GALK1: variants seen among roughly 807,000 people sequenced by gnomAD.
The protein encoded by GALK1 is galactokinase 1.
A neutral mutation model predicts 38.6 loss-of-function variants in GALK1; 30 were observed. The observed-to-expected ratio is 0.78, with a 90% confidence interval of 0.58 to 1.05. The LOEUF (loss-of-function observed/expected upper bound fraction) is 1.05, where lower values mean the gene tolerates loss of function less well. GALK1 is among the 50% of genes least tolerant of loss of function. The pLI is 0.00. For missense variants in GALK1, 512 were observed against 540.5 expected, an observed-to-expected ratio of 0.95 and a Z score of 0.52; for synonymous variants, 240 against 233.6, an observed-to-expected ratio of 1.03 and a Z score of -0.25.
At chr17:75,755,935 C>T (rs1197688421), downstream of GALK1, 1 of 1,494,676 alleles carries the variant, frequency 6.7e-7, no homozygotes, top group Non-Finnish European at 9.0e-7. Flanking sequence ...TCAGCTGTGT[C>T]AGGAACCCAC....
intron 1 of GALK1, chr17:75,764,388 T>C: frequency 1.6e-6 from 1 of 641,252 alleles, no homozygotes; most frequent in African/African-American, 1.8e-5. Flanking sequence ...CCAAAGCCTT[T>C]ACATTTTGGG....
chr17:75,757,983 T>C lies in GALK1; in HGVS notation c.*73A>G, dbSNP rs2061558908. On this transcript the variant is annotated 3_prime_UTR_variant, in exon 8 of 8. Transcript: ENST00000588479. ...TTATTGAGCACCCGGATATGGAAGA[T>C]GGCACCGGGCACAGAGCCGTGGGAC... The C allele has an allele frequency of 3.9e-6, 6 of 1,529,040 alleles. No homozygotes were observed. The highest frequency in any genetic ancestry group is 4.5e-6 in the Non-Finnish European group (5 of 1,111,322). The allele number at this position is 1,529,040 out of a possible 1,614,324, so 94.7% of individuals were successfully genotyped here. A position where few individuals can be genotyped will look rare whatever the true frequency, so the allele number is the denominator to read the frequency against.
At chr17:75,758,705 G>A (rs2061569849) in intron 5 of GALK1, 106 bp from the exon 6 acceptor site, 1 of 1,440,068 alleles carries the variant, frequency 6.9e-7, no homozygotes, top group African/African-American at 1.4e-5. Context: ...GGACGGTGAA[G>A]GGTGGAAGGC....
chr17:75,754,668 AC>A, downstream of GALK1: 2 of 1,613,904 alleles, frequency 1.2e-6, no homozygotes, highest in Non-Finnish European at 1.7e-6. Context: ...TGCCTATGGC[AC>A]CCACCTGAGC....
intron 1 of GALK1, chr17:75,764,452 A>C: frequency 1.8e-6 from 1 of 562,984 alleles, no homozygotes; most frequent in Non-Finnish European, 3.4e-6. Flanking sequence ...ATGGGGCGGA[A>C]AGCGCCCCCC....
downstream of GALK1, chr17:75,757,573 CCCG>C (rs781658117): frequency 7.4e-6 from 12 of 1,613,220 alleles, no homozygotes; most frequent in Admixed American, 1.7e-5. Context: ...CTGCCCCACC[CCCG>C]CCACGTCCCA....
chr17:75,752,402 A>G (rs762173884), intron 8 of GALK1: 2 of 1,532,854 alleles, frequency 1.3e-6, no homozygotes, highest in Non-Finnish European at 1.8e-6. Context: ...GCAGGGGGGC[A>G]GGGGGCAGCA....
Position 75,758,236 on chromosome 17 carries a change from C to A in GALK1, c.1081G>T (p.Ala361Ser). 1 of 1,602,876 alleles carries A rather than the reference C, an allele frequency of 6.2e-7. No individual in the cohort carries two copies. Among genetic ancestry groups the A allele is most frequent in the Non-Finnish European group, 8.5e-7 (1 of 1,175,778 alleles). ...CTVTLLEASA[A>S]PHAMRHIQEH... ...TGGATGTGCCGCATGGCGTGGGGAG[C>A]AGCGGAGGCCTCCAGCAGTGTCACC... is the stretch of plus-strand genomic sequence containing the variant. Residue 361 changes from alanine to serine, a missense_variant, in exon 7 of 8, where the codon GCT becomes TCT. Physicochemically the swap from Ala to Ser is moderately conservative, Grantham distance 99. Coordinates refer to ENST00000588479, the MANE Select transcript of GALK1 (RefSeq NM_000154.2).
At chr17:75,753,971 G>A, downstream of GALK1, 2 of 1,251,590 alleles carry the variant, frequency 1.6e-6, no homozygotes, top group African/African-American at 3.1e-5. Flanking sequence ...CGGGCCCCCC[G>A]GAGGTGACAG....
At chr17:75,752,655 CAA>C in intron 8 of GALK1, 5 of 1,568,190 alleles carry the variant, frequency 3.2e-6, no homozygotes, top group Non-Finnish European at 4.4e-6. Flanking sequence ...CCAGAGAGGG[CAA>C]AGGGGCCAGC....
chr17:75,756,705 C>A (rs764285610), downstream of GALK1: 2 of 1,613,478 alleles, frequency 1.2e-6, no homozygotes, highest in Non-Finnish European at 1.7e-6. Flanking sequence ...TGCCCCCAGG[C>A]TCCGCCTTCA....
At chr17:75,757,029 T>C (rs1215518813), downstream of GALK1, 1 of 1,610,950 alleles carries the variant, frequency 6.2e-7, no homozygotes, top group African/African-American at 1.4e-5. Context: ...GCCCTACAAG[T>C]TCAAGGTGCA....
downstream of GALK1, among the ~76,000 whole-genome samples, chr17:75,754,141 A>C (rs2143463089): frequency 6.6e-6 from 1 of 152,182 alleles, no homozygotes; most frequent in East Asian, 1.9e-4. Flanking sequence ...GTGCCAGGGG[A>C]CGCGTGAGGC....
intron 5 of GALK1, among the ~76,000 whole-genome samples, chr17:75,762,453 A>T (rs2061591282): frequency 1.3e-5 from 2 of 152,292 alleles, no homozygotes; most frequent in South Asian, 4.1e-4. Context: ...CTTATAGCTT[A>T]TTATTTTCTA....
chr17:75,752,120 G>T, intron 8 of GALK1: 7 of 1,585,944 alleles, frequency 4.4e-6, no homozygotes, highest in Non-Finnish European at 5.2e-6. Flanking sequence ...CAGGGGTGGT[G>T]TTGGGACCAG....
At chr17:75,755,363 C>A, downstream of GALK1, 1 of 881,158 alleles carries the variant, frequency 1.1e-6, no homozygotes, top group Non-Finnish European at 1.7e-6. Flanking sequence ...ACCTGCCCTA[C>A]CATCAGTGCT....
At chr17:75,761,718 T>TA (rs55872846) in intron 5 of GALK1, among the ~76,000 whole-genome samples, 154 of 132,428 alleles carry the variant, frequency 1.2e-3, no homozygotes, top group South Asian at 4.6e-3. Flanking sequence ...ATGTTTAGTT[T>TA]AAAAAAAAAA....
chr17:75,755,108 C>T, downstream of GALK1: 4 of 1,607,136 alleles, frequency 2.5e-6, no homozygotes, highest in Non-Finnish European at 2.5e-6. Flanking sequence ...GTCCTGGGCC[C>T]TGGGGTCCCG....
At position 75,762,903 on chromosome 17, in the gene GALK1, T is replaced by C; in HGVS notation, c.612-18A>G. ...CCAAGGACCTGGGGTGGAGTTACAA[T>C]GGGGGAGATGACGAGGCCAAGCGTG... On this transcript the variant is annotated intron_variant, in intron 4 of 7. Coordinates refer to ENST00000588479, the MANE Select transcript of GALK1 (RefSeq NM_000154.2). The C allele has an allele frequency of 1.2e-6, 2 of 1,612,788 alleles. No individual in the cohort carries two copies. Among genetic ancestry groups the C allele is most frequent in the Non-Finnish European group, 1.7e-6 (2 of 1,179,828 alleles).
Sources: allele counts gnomAD v4.1 joint callset (sites outside exome capture counted in the v4.1 genomes callset), GRCh38; gene constraint gnomAD v4.1.1; transcripts MANE v1.5; gene names NCBI Gene and HGNC (gene_info 2026-07-23, HGNC 2026-07-21).